CTNNA3: variants seen among roughly 807,000 people sequenced by gnomAD.
CTNNA3 encodes catenin alpha-3.
CTNNA3 carries 76 observed loss-of-function variants against 95.7 expected under a neutral mutation model. The ratio of observed to expected loss-of-function variants is 0.79; its 90% confidence interval spans 0.66 to 0.96. The LOEUF (loss-of-function observed/expected upper bound fraction) is 0.96, where lower values mean the gene tolerates loss of function less well. CTNNA3 is among the 40% of genes least tolerant of loss of function. The pLI is 0.00. For synonymous variants in CTNNA3, 431 were observed against 374.4 expected (o/e 1.15, Z -1.74); for missense variants, 1,191 against 1,089.8 (o/e 1.09, Z -1.31).
At chr10:67,737,021 T>C (rs142739457) in intron 1 of CTNNA3, among the ~76,000 whole-genome samples, 6,560 of 151,978 alleles carry the variant, frequency 0.043, 204 homozygotes, top group African/African-American at 0.092. Context: ...TGGAGTGCAA[T>C]GGCATGATCT....
chr10:66,720,273 A>G (rs527393743), intron 9 of CTNNA3, among the ~76,000 whole-genome samples: 1 of 146,536 alleles, frequency 6.8e-6, no homozygotes, highest in East Asian at 2.9e-4. Context: ...GTCACCTTTT[A>G]TGCCTTCCTC....
chr10:66,164,507 A>G (rs559724165), intron 13 of CTNNA3, among the ~76,000 whole-genome samples: 4 of 151,804 alleles, frequency 2.6e-5, no homozygotes, highest in African/African-American at 9.6e-5. Flanking sequence ...GGAATTGGAC[A>G]TATGGACACT....
At chr10:67,630,676 G>A (rs1362455112) in intron 2 of CTNNA3, among the ~76,000 whole-genome samples, 1 of 151,928 alleles carries the variant, frequency 6.6e-6, no homozygotes, top group Non-Finnish European at 1.5e-5. Context: ...AAGGCCAAGA[G>A]GTCCTACAAT....
At chr10:66,986,715 C>G (rs937862218) in intron 7 of CTNNA3, among the ~76,000 whole-genome samples, 2 of 152,100 alleles carry the variant, frequency 1.3e-5, no homozygotes, top group African/African-American at 4.8e-5. Context: ...TCAGGCTAAT[C>G]AGGTTGATTT....
chr10:66,764,535 C>A (rs1426311520), intron 9 of CTNNA3, among the ~76,000 whole-genome samples: 1 of 152,162 alleles, frequency 6.6e-6, no homozygotes, highest in African/African-American at 2.4e-5. Flanking sequence ...CCTTCTTCAT[C>A]AAAAAACTAA....
intron 3 of CTNNA3, among the ~76,000 whole-genome samples, chr10:67,574,892 C>T (rs988360007): frequency 5.9e-5 from 9 of 152,140 alleles, no homozygotes; most frequent in Admixed American, 4.6e-4. Flanking sequence ...AGGTTGTTAA[C>T]ATTTTAATTC....
rs10996991 is a variant in CTNNA3, at chr10:66,230,576, G to A, written c.1884+49894C>T. 1.4e-3 allele frequency among the ~76,000 whole-genome samples: 206 copies of A among 152,278 alleles called. 4 individuals carry two copies. In the East Asian group the frequency reaches 0.035, roughly 26 times the overall value. ...CAGGTTGGTTGGTCCTTGGTCTCCA[G>A]GAGAGCCCACAGAGGTGCACAGTCA... On this transcript the variant is annotated intron_variant, in intron 13 of 17. Transcript: ENST00000433211.
chr10:67,085,924 A>G (rs950643721), intron 7 of CTNNA3, among the ~76,000 whole-genome samples: 1 of 152,050 alleles, frequency 6.6e-6, no homozygotes, highest in Non-Finnish European at 1.5e-5. Flanking sequence ...GACGTTATCT[A>G]TATAAAGCCT....
chr10:66,526,915 T>A, intron 10 of CTNNA3, among the ~76,000 whole-genome samples: 1 of 152,206 alleles, frequency 6.6e-6, no homozygotes, highest in East Asian at 1.9e-4. Flanking sequence ...CTTGCTAATG[T>A]CCTCTGATAT....
rs2092637504 is a variant in CTNNA3, at chr10:66,359,606, T to C, written c.1732+19546A>G. ...ATCATTCCCAGACAATAGCATCAATTAGGAGATACATGCATACCTCTGTTC... is the reference window on the plus strand; with the variant it reads ...ATCATTCCCAGACAATAGCATCAATCAGGAGATACATGCATACCTCTGTTC... On this transcript the variant is annotated intron_variant, in intron 12 of 17. Coordinates refer to ENST00000433211, the MANE Select transcript of CTNNA3 (RefSeq NM_013266.4). Among the ~76,000 whole-genome samples, 4 of 152,298 alleles carry C rather than the reference T, an allele frequency of 2.6e-5. No homozygotes were observed. The South Asian group carries it at 8.3e-4, about 32-fold the overall frequency.
intron 5 of CTNNA3, among the ~76,000 whole-genome samples, chr10:67,299,735 G>T (rs950426753): frequency 2.6e-5 from 4 of 152,162 alleles, no homozygotes; most frequent in Admixed American, 6.5e-5. Context: ...GAGATGGCTT[G>T]GAAAAAATGC....
At position 66,773,804 on chromosome 10, in the gene CTNNA3, T is replaced by C. The variant is rs180819466; in HGVS notation, c.1128+1640A>G. On this transcript the variant is annotated intron_variant, in intron 8 of 17. Coordinates refer to ENST00000433211, the MANE Select transcript of CTNNA3 (RefSeq NM_013266.4). Reference sequence around the variant, plus strand: ...TATCTTCTTACTATGAAGAATAGTATTAGTAATCCCCAATGCTATTTCTAT... The same window carrying C: ...TATCTTCTTACTATGAAGAATAGTACTAGTAATCCCCAATGCTATTTCTAT... 7.1e-3 allele frequency among the ~76,000 whole-genome samples: 1,075 copies of C among 152,318 alleles called. 16 individuals carry two copies. Among genetic ancestry groups the C allele is most frequent in the Non-Finnish European group, 7.0e-3 (477 of 68,028 alleles).
At chr10:66,666,154 G>A (rs182638536) in intron 9 of CTNNA3, among the ~76,000 whole-genome samples, 5 of 152,256 alleles carry the variant, frequency 3.3e-5, no homozygotes, top group African/African-American at 1.2e-4. Flanking sequence ...AGCCAAGTTC[G>A]TTTGCCTTGA....
At chr10:66,061,985 CTTG>C (rs1302026830) in intron 15 of CTNNA3, among the ~76,000 whole-genome samples, 6 of 152,096 alleles carry the variant, frequency 3.9e-5, no homozygotes, top group Admixed American at 3.3e-4. Flanking sequence ...AGGGTAAAGT[CTTG>C]TTGTACAATG....
intron 6 of CTNNA3, among the ~76,000 whole-genome samples, chr10:67,211,758 GA>G (rs1864149849): frequency 6.6e-6 from 1 of 152,226 alleles, no homozygotes. Flanking sequence ...GCATTATTTG[GA>G]AAGAGTAATT....
intron 10 of CTNNA3, among the ~76,000 whole-genome samples, chr10:66,590,865 G>A (rs1418567166): frequency 1.3e-5 from 2 of 152,052 alleles, no homozygotes; most frequent in South Asian, 2.1e-4. Context: ...TTATATATGT[G>A]CAGATATAAA....
chr10:66,585,778 T>A (rs1403958999), intron 10 of CTNNA3, among the ~76,000 whole-genome samples: 1 of 152,076 alleles, frequency 6.6e-6, no homozygotes, highest in African/African-American at 2.4e-5. Context: ...TTGATTTGGA[T>A]CCACTGCTGG....
chr10:67,465,691 T>A (rs1847563601), intron 5 of CTNNA3, among the ~76,000 whole-genome samples: 1 of 152,154 alleles, frequency 6.6e-6, no homozygotes, highest in Non-Finnish European at 1.5e-5. Flanking sequence ...GGGAGAGAAC[T>A]ACTGCCTATC....
At chr10:66,838,010 C>A (rs955047283) in intron 7 of CTNNA3, among the ~76,000 whole-genome samples, 2 of 152,038 alleles carry the variant, frequency 1.3e-5, no homozygotes, top group Admixed American at 6.6e-5. Context: ...TCTGAAGAGT[C>A]TTCATTATTC....
Sources: allele counts gnomAD v4.1 joint callset (sites outside exome capture counted in the v4.1 genomes callset), GRCh38; gene constraint gnomAD v4.1.1; transcripts MANE v1.5; gene names NCBI Gene and HGNC (gene_info 2026-07-23, HGNC 2026-07-21).